The following KBTBD11 variants were observed in gnomAD, a reference collection of about 807,000 sequenced individuals.
KBTBD11 encodes the protein kelch repeat and BTB domain containing 11.
For synonymous variants in KBTBD11, 747 were observed against 499.0 expected, an observed-to-expected ratio of 1.50 and a Z score of -6.63; for missense variants, 1,390 against 1,001.8, an observed-to-expected ratio of 1.39 and a Z score of -5.23.
intron 1 of KBTBD11, among the ~76,000 whole-genome samples, chr8:1,981,471 A>T (rs1051456925): frequency 2.0e-5 from 3 of 152,246 alleles, no homozygotes; most frequent in Non-Finnish European, 4.4e-5. Context: ...CTATTAAAAC[A>T]GTAAAAGATA....
chr8:1,984,289 T>TG (rs1277639417), intron 1 of KBTBD11, among the ~76,000 whole-genome samples: 1 of 132,682 alleles, frequency 7.5e-6, no homozygotes, highest in East Asian at 2.1e-4. Context: ...GTTTTTTTTT[T>TG]TTTTTTTTTT....
At position 1,973,909 on chromosome 8, in the gene KBTBD11, C is replaced by T. The variant is rs1334104124; in HGVS notation, c.-935C>T. The T allele has an allele frequency of 9.2e-6, 9 of 982,510 alleles. No individual in the cohort carries two copies. Among genetic ancestry groups the T allele is most frequent in the African/African-American group, 8.8e-5 (5 of 56,704 alleles). 60.9% of individuals were successfully genotyped at this position (982,510 alleles called of 1,614,324 possible). ...CCCGCCTGGCTGCGCGTCCCGGGCC[C>T]GGCGGCTGAAGAGGAGCCGCGGCGA... On this transcript the variant is annotated 5_prime_UTR_variant, in exon 1 of 2. Transcript: ENST00000320248.
At chr8:1,986,491 G>C (rs1387584209) in intron 1 of KBTBD11, among the ~76,000 whole-genome samples, 1 of 152,136 alleles carries the variant, frequency 6.6e-6, no homozygotes, top group Non-Finnish European at 1.5e-5. Context: ...TGTAATCTTG[G>C]ACAAGTCTCT....
chr8:1,974,275 CG>C, intron 1 of KBTBD11: 1 of 982,046 alleles, frequency 1.0e-6, no homozygotes, highest in Non-Finnish European at 1.2e-6. Context: ...GGCCCTCCCC[CG>C]GGACGCGGCA....
intron 1 of KBTBD11, among the ~76,000 whole-genome samples, chr8:1,975,607 T>G (rs1816310851): frequency 6.6e-6 from 1 of 152,212 alleles, no homozygotes; most frequent in Admixed American, 6.5e-5. Flanking sequence ...GATGAAGTTA[T>G]CTAACTATCA....
chr8:1,989,645 G>T (rs566592818), intron 1 of KBTBD11, among the ~76,000 whole-genome samples: 1 of 152,302 alleles, frequency 6.6e-6, no homozygotes, highest in African/African-American at 2.4e-5. Flanking sequence ...AAGTTTCACA[G>T]CTGAGGTGTC....
At chr8:1,989,305 A>G (rs1246358321) in intron 1 of KBTBD11, among the ~76,000 whole-genome samples, 1 of 152,238 alleles carries the variant, frequency 6.6e-6, no homozygotes, top group Non-Finnish European at 1.5e-5. Context: ...CTTTTGAATG[A>G]GTACAATGAT....
chr8:1,975,523 G>T (rs575837224), intron 1 of KBTBD11, among the ~76,000 whole-genome samples: 11 of 152,374 alleles, frequency 7.2e-5, no homozygotes, highest in African/African-American at 2.6e-4. Context: ...GCAGGAGTCT[G>T]TGCAGTGGAG....
chr8:1,997,380 A>T (rs1245651591), intron 1 of KBTBD11, among the ~76,000 whole-genome samples: 2 of 151,494 alleles, frequency 1.3e-5, no homozygotes, highest in African/African-American at 4.9e-5. Flanking sequence ...TAAGGTAAAA[A>T]TTTCAGTAAT....
chr8:1,996,541 T>A (rs1351956504), intron 1 of KBTBD11, among the ~76,000 whole-genome samples: 1 of 152,134 alleles, frequency 6.6e-6, no homozygotes, highest in Non-Finnish European at 1.5e-5. Flanking sequence ...GTGCTGGGAT[T>A]ACAGGCTTGA....
In KBTBD11 at chr8:2,002,304, GC is replaced by G; in HGVS notation, c.1116del (p.Asp373ThrfsTer23). The part of the protein sequence containing the change: ...LFVAGGVAPA[G>X]PDGRARPSDQ... ...GTGGCGGGCGGCGTGGCGCCCGCGG[GC>G]CCCGACGGCCGCGCGCGCCCGTCCG... is the stretch of plus-strand genomic sequence containing the variant. On this transcript the variant is annotated frameshift_variant, in exon 2 of 2. Coordinates refer to ENST00000320248, the MANE Select transcript of KBTBD11 (RefSeq NM_014867.3). LOFTEE classifies it low-confidence loss of function (END_TRUNC). This position sits in a 1 kb window ranked among gnomAD's most constrained non-coding sequence, Gnocchi z 4.1. 1 of 1,350,972 alleles carries G rather than the reference GC, an allele frequency of 7.4e-7. No individual in the cohort carries two copies. Among genetic ancestry groups the G allele is most frequent in the South Asian group, 1.7e-5 (1 of 57,334 alleles). The allele number at this position is 1,350,972 out of a possible 1,614,324, so 83.7% of individuals were successfully genotyped here. A position where few individuals can be genotyped will look rare whatever the true frequency, so the allele number is the denominator to read the frequency against.
chr8:1,978,513 C>A (rs1816427906), intron 1 of KBTBD11, among the ~76,000 whole-genome samples: 1 of 152,178 alleles, frequency 6.6e-6, no homozygotes, highest in Admixed American at 6.5e-5. Context: ...GCGTGGCAGC[C>A]TTGATGCAGT....
At chr8:1,974,595 A>T in intron 1 of KBTBD11, 1 of 984,420 alleles carries the variant, frequency 1.0e-6, no homozygotes, top group Non-Finnish European at 1.2e-6. Flanking sequence ...AGCCCCGAGC[A>T]CCGCGACCCA....
Position 2,001,810 on chromosome 8 carries a change from G to A in KBTBD11, c.618G>A (p.Glu206=). Residue 206 remains glutamate, a synonymous_variant, in exon 2 of 2, where the codon GAG becomes GAA. Transcript: ENST00000320248. Reference sequence around the variant, plus strand: ...GCGTGCGGCCCGACAACGTGGCCGAGGTGGTGGCCGGCGCGCGCCGCCTGC... The same window carrying A: ...GCGTGCGGCCCGACAACGTGGCCGAAGTGGTGGCCGGCGCGCGCCGCCTGC... ...MAGVRPDNVA[E]VVAGARRLQL... 8.1e-7 allele frequency: 1 copy of A among 1,229,998 alleles called. No individual in the cohort carries two copies. Among genetic ancestry groups the A allele is most frequent in the Non-Finnish European group, 1.0e-6 (1 of 990,096 alleles). 76.2% of individuals were successfully genotyped at this position (1,229,998 alleles called of 1,614,324 possible). A position where few individuals can be genotyped will look rare whatever the true frequency, so the allele number is the denominator to read the frequency against.
At chr8:1,983,316 C>G (rs1231558891) in intron 1 of KBTBD11, among the ~76,000 whole-genome samples, 2 of 152,230 alleles carry the variant, frequency 1.3e-5, no homozygotes, top group Non-Finnish European at 2.9e-5. Flanking sequence ...AGCTGAACTT[C>G]TCAGCCAGGA....
intron 1 of KBTBD11, among the ~76,000 whole-genome samples, chr8:1,997,761 C>G (rs1370246713): frequency 6.6e-6 from 1 of 152,222 alleles, no homozygotes. Context: ...GTCTGAGAGG[C>G]CTTGTGATTC....
At position 2,001,894 on chromosome 8, in the gene KBTBD11, C is replaced by G. The variant is rs771762451; in HGVS notation, c.702C>G (p.Ala234=). 2.1e-6 allele frequency: 3 copies of G among 1,413,344 alleles called. No homozygotes were observed. Among genetic ancestry groups the G allele is most frequent in the Non-Finnish European group, 2.8e-6 (3 of 1,075,002 alleles). 87.6% of individuals were successfully genotyped at this position (1,413,344 alleles called of 1,614,324 possible). Residue 234 remains alanine (A), a synonymous_variant, in exon 2 of 2, where the codon GCC becomes GCG. Transcript: ENST00000320248. ...CCGTGGGGCCGCAGCTGAGCCTGGC[C>G]AACTGCTACGAGGTCCTGAGCGCGG... The part of the protein sequence containing the change: ...TDAVGPQLSL[A]NCYEVLSAAK...
chr8:1,992,465 G>C (rs752149654), intron 1 of KBTBD11, among the ~76,000 whole-genome samples: 4 of 152,038 alleles, frequency 2.6e-5, no homozygotes, highest in African/African-American at 9.7e-5. Context: ...AATTGGAAGC[G>C]GGGGTGGGGT....
At chr8:1,993,265 T>C (rs1206292071) in intron 1 of KBTBD11, among the ~76,000 whole-genome samples, 1 of 152,052 alleles carries the variant, frequency 6.6e-6, no homozygotes, top group African/African-American at 2.4e-5. Flanking sequence ...TTCATCTGAG[T>C]ATTTTCAGTT....
Sources: allele counts gnomAD v4.1 joint callset (sites outside exome capture counted in the v4.1 genomes callset), GRCh38; gene constraint gnomAD v4.1.1; non-coding constraint Gnocchi (gnomAD v3.1); transcripts MANE v1.5; gene names NCBI Gene and HGNC (gene_info 2026-07-23, HGNC 2026-07-21).